The following C11orf97 variants were observed in gnomAD, a reference collection of about 807,000 sequenced individuals.
C11orf97 encodes chromosome 11 open reading frame 97.
C11orf97 carries 15 observed loss-of-function variants against 16.2 expected under a neutral mutation model. The observed-to-expected ratio is 0.93, with a 90% CI of 0.62 to 1.43. The LOEUF (loss-of-function observed/expected upper bound fraction) is 1.43. Among genes scored for constraint, C11orf97 ranks in the 40% most tolerant of loss-of-function variants. C11orf97 has a pLI of 0.00. For missense variants in C11orf97, 171 were observed against 161.2 expected (o/e 1.06, Z -0.33); for synonymous variants, 61 against 65.7 (o/e 0.93, Z 0.34).
intron 1 of C11orf97, among the ~76,000 whole-genome samples, chr11:94,514,450 A>C (rs1246942811): frequency 6.6e-6 from 1 of 152,118 alleles, no homozygotes; most frequent in African/African-American, 2.4e-5. Context: ...AAATGTCTGT[A>C]ATTATTGGAA....
At chr11:94,519,450 GTTATA>G (rs1947639420) in intron 2 of C11orf97, among the ~76,000 whole-genome samples, 1 of 148,296 alleles carries the variant, frequency 6.7e-6, no homozygotes, top group Non-Finnish European at 1.5e-5. Context: ...AGTCTATACT[GTTATA>G]TTCTGGATTT....
chr11:94,528,244 C>A, intron 3 of C11orf97, 35 bp downstream of exon 3: 1 of 1,511,496 alleles, frequency 6.6e-7, no homozygotes, highest in Non-Finnish European at 8.8e-7. Flanking sequence ...CCACTGAAGC[C>A]CCTGAGGGGA....
chr11:94,528,281 A>G, intron 3 of C11orf97, 72 bp downstream of exon 3: 1 of 1,338,724 alleles, frequency 7.5e-7, no homozygotes, highest in Non-Finnish European at 9.9e-7. Context: ...CCAGTGGTAT[A>G]TGCTCTGTTT....
intron 2 of C11orf97, among the ~76,000 whole-genome samples, chr11:94,517,915 C>G (rs1021389334): frequency 6.6e-6 from 1 of 151,906 alleles, no homozygotes; most frequent in Admixed American, 6.6e-5. Flanking sequence ...TTTGGGAGGC[C>G]GAGGTGGATG....
rs35270400 is a variant in C11orf97 at position 94,531,526 on chromosome 11, C to CAAAAAAAAAAAAAA, written c.377-361_377-348dup. On this transcript the variant is annotated intron_variant, in intron 3 of 3. Transcript: ENST00000542198. The stretch of plus-strand genomic sequence containing the variant: ...TCTTATTCTGTGCCACAAAACAAGC[C>CAAAAAAAAAAAAAA]AAAAAAAAAAAAAAAAAAAAAAGCA... Among the ~76,000 whole-genome samples, 4 of 92,076 alleles carry CAAAAAAAAAAAAAA rather than the reference C, an allele frequency of 4.3e-5. 1 individual carries two copies. Among genetic ancestry groups the CAAAAAAAAAAAAAA allele is most frequent in the Admixed American group, 1.3e-4 (1 of 7,494 alleles). The allele number at this position is 92,076 out of a possible 152,430, so 60.4% of individuals were successfully genotyped here. A position where few individuals can be genotyped will look rare whatever the true frequency, so the allele number is the denominator to read the frequency against.
At chr11:94,523,245 C>T (rs1947673614) in intron 2 of C11orf97, among the ~76,000 whole-genome samples, 6 of 152,270 alleles carry the variant, frequency 3.9e-5, no homozygotes, top group South Asian at 4.1e-4. Context: ...TTTGGATAAA[C>T]GCTACATACT....
chr11:94,518,723 T>G (rs1947633306), intron 2 of C11orf97, among the ~76,000 whole-genome samples: 1 of 152,196 alleles, frequency 6.6e-6, no homozygotes, highest in South Asian at 2.1e-4. Flanking sequence ...AGATTTTTAT[T>G]GTGACACTCT....
intron 1 of C11orf97, among the ~76,000 whole-genome samples, chr11:94,517,091 A>G (rs962831704): frequency 2.0e-5 from 3 of 152,234 alleles, no homozygotes; most frequent in Non-Finnish European, 2.9e-5. Context: ...TGCTATGTCC[A>G]TAAGTGGTTC....
intron 2 of C11orf97, among the ~76,000 whole-genome samples, chr11:94,519,959 G>C (rs1947645063): frequency 6.6e-6 from 1 of 152,208 alleles, no homozygotes; most frequent in Non-Finnish European, 1.5e-5. Flanking sequence ...TCTGATGACA[G>C]CCATGGCTTC....
At position 94,512,626 on chromosome 11, in the gene C11orf97, G is replaced by C; in HGVS notation, c.98G>C (p.Gly33Ala). The C allele has an allele frequency of 8.0e-7, 1 of 1,257,480 alleles. No homozygotes were observed. Among genetic ancestry groups the C allele is most frequent in the Non-Finnish European group, 1.0e-6 (1 of 1,000,260 alleles). 77.9% of individuals were successfully genotyped at this position (1,257,480 alleles called of 1,614,324 possible). ...CCTCCGCCAGCAGGGCTGGGGTGCGGGGCGCGCGGGGAACCCGGCCGCGGC... is the reference window on the plus strand; with the variant it reads ...CCTCCGCCAGCAGGGCTGGGGTGCGCGGCGCGCGGGGAACCCGGCCGCGGC... ...QPPPPAGLGC[G>A]ARGEPGRGPL... Residue 33 changes from glycine to alanine, a missense_variant, in exon 1 of 4, where the codon GGG becomes GCG. By Grantham distance (60) the Gly-to-Ala change is moderately conservative. Coordinates refer to ENST00000542198, the MANE Select transcript of C11orf97 (RefSeq NM_001190462.2).
intron 3 of C11orf97, among the ~76,000 whole-genome samples, chr11:94,530,912 A>G (rs1947733356): frequency 6.6e-6 from 1 of 152,242 alleles, no homozygotes; most frequent in African/African-American, 2.4e-5. Flanking sequence ...TGAGTTTTCC[A>G]GGAACTTCTC....
At chr11:94,513,822 T>C (rs528247451) in intron 1 of C11orf97, among the ~76,000 whole-genome samples, 2 of 152,168 alleles carry the variant, frequency 1.3e-5, no homozygotes, top group Non-Finnish European at 2.9e-5. Flanking sequence ...ATTATTATGA[T>C]TATTATTATT....
At position 94,512,477 on chromosome 11, in the gene C11orf97, G is replaced by A; in HGVS notation, c.-52G>A. ...ACGCCTCGCATGCTGGGCTGCCTGC[G>A]ACTGAGCTGAGAAGGAAACCGTGCC... On this transcript the variant is annotated 5_prime_UTR_variant, in exon 1 of 4. Transcript: ENST00000542198. 7.9e-7 allele frequency: 1 copy of A among 1,259,924 alleles called. No individual in the cohort carries two copies. Among genetic ancestry groups the A allele is most frequent in the African/African-American group, 1.5e-5 (1 of 64,652 alleles). 78.0% of individuals were successfully genotyped at this position (1,259,924 alleles called of 1,614,324 possible).
chr11:94,529,545 T>C (rs1037871336), intron 3 of C11orf97, among the ~76,000 whole-genome samples: 1 of 152,196 alleles, frequency 6.6e-6, no homozygotes, highest in Non-Finnish European at 1.5e-5. Flanking sequence ...TTGAGGATTA[T>C]AATCTCCATT....
In C11orf97 at chr11:94,517,693, C is replaced by T. The variant is rs1272760256; in HGVS notation, c.250+6C>T. The T allele has an allele frequency of 6.7e-7, 1 of 1,496,188 alleles. No individual in the cohort carries two copies. Among genetic ancestry groups the T allele is most frequent in the Non-Finnish European group, 8.9e-7 (1 of 1,120,504 alleles). The allele number at this position is 1,496,188 out of a possible 1,614,324, so 92.7% of individuals were successfully genotyped here. Reference sequence around the variant, plus strand: ...CATTAAAAATCCAGCTGCAGGTAATCTCAGTGACAAATGAAGTATGTTTGT... The same window carrying T: ...CATTAAAAATCCAGCTGCAGGTAATTTCAGTGACAAATGAAGTATGTTTGT... On this transcript the variant is annotated splice_donor_region_variant and intron_variant, in intron 2 of 3. Coordinates refer to ENST00000542198, the MANE Select transcript of C11orf97 (RefSeq NM_001190462.2).
chr11:94,520,888 G>A (rs1300234771), intron 2 of C11orf97, among the ~76,000 whole-genome samples: 6 of 152,266 alleles, frequency 3.9e-5, no homozygotes, highest in East Asian at 1.9e-4. Context: ...TCACCTCCAT[G>A]CTTAAAGTTG....
At chr11:94,515,532 CTTCT>C (rs1003767349) in intron 1 of C11orf97, among the ~76,000 whole-genome samples, 3 of 151,798 alleles carry the variant, frequency 2.0e-5, no homozygotes, top group African/African-American at 7.3e-5. Flanking sequence ...CCCTTCCTTC[CTTCT>C]TTCTTTTTTA....
chr11:94,530,284 T>G (rs1947728555), intron 3 of C11orf97, among the ~76,000 whole-genome samples: 2 of 152,334 alleles, frequency 1.3e-5, no homozygotes, highest in South Asian at 4.1e-4. Flanking sequence ...TGTTACAATA[T>G]GTAACTGTTA....
intron 2 of C11orf97, among the ~76,000 whole-genome samples, chr11:94,521,921 A>T (rs910518673): frequency 6.6e-6 from 1 of 152,164 alleles, no homozygotes; most frequent in Non-Finnish European, 1.5e-5. Context: ...GCAACATTTC[A>T]CATAGTCGAT....
Sources: gnomAD v4.1 joint callset for allele counts (sites outside exome capture counted in the v4.1 genomes callset) on GRCh38, gnomAD v4.1.1 for gene constraint, MANE v1.5 for transcripts, NCBI Gene and HGNC (gene_info 2026-07-23, HGNC 2026-07-21) for gene names.